The following SETD3 variants were observed in gnomAD, a reference collection of about 807,000 sequenced individuals.
The protein encoded by SETD3 is SET domain containing 3, actin N3(tau)-histidine methyltransferase.
Under a neutral mutation model 63.0 loss-of-function variants are expected in SETD3, and 19 were observed. The ratio of observed to expected loss-of-function variants is 0.30; its 90% CI spans 0.21 to 0.44. The LOEUF (loss-of-function observed/expected upper bound fraction) is 0.44. SETD3 is among the 20% of genes least tolerant of loss of function. The probability of loss-of-function intolerance (pLI) is 1.00; values close to 1 mark genes in which losing one functional copy is unlikely to be tolerated. For missense variants in SETD3, 587 were observed against 728.5 expected, an observed-to-expected ratio of 0.81 and a Z score of 2.24; for synonymous variants, 286 against 264.1, an observed-to-expected ratio of 1.08 and a Z score of -0.80.
At position 99,399,086 on chromosome 14, in the gene SETD3, G is replaced by T. The variant is rs763948380; in HGVS notation, c.1378C>A (p.Arg460Ser). 6.2e-7 allele frequency: 1 copy of T among 1,613,942 alleles called. No individual in the cohort carries two copies. The highest frequency in any genetic ancestry group is 8.5e-7 in the Non-Finnish European group (1 of 1,179,978). ...CGCAATTTGATGGCCATTTTTGCAC[G>T]AACAGAAAGATCGTGGTTTTTCAAG... ...SVLKNHDLSVRAKMAIKLRLG... is the reference protein window; with the variant it reads ...SVLKNHDLSVSAKMAIKLRLG... The change falls in exon 13 of 13, where the codon CGT (arginine) becomes AGT (serine). Residue 460 changes from arginine (R) to serine (S), a missense_variant. Arg to Ser is a moderately radical substitution (Grantham distance 110, BLOSUM62 -1). Coordinates refer to ENST00000331768, the MANE Select transcript of SETD3 (RefSeq NM_032233.3).
At chr14:99,413,123 G>T in intron 7 of SETD3, 58 bp from the exon 8 acceptor site, 2 of 990,786 alleles carry the variant, frequency 2.0e-6, no homozygotes, top group Non-Finnish European at 1.6e-6. Flanking sequence ...ATTGCAGTAA[G>T]AAATAACATA....
At chr14:99,447,371 G>A (rs1894196562) in intron 6 of SETD3, among the ~76,000 whole-genome samples, 1 of 152,216 alleles carries the variant, frequency 6.6e-6, no homozygotes, top group Non-Finnish European at 1.5e-5. Context: ...AAGTCTCCAT[G>A]TGATCTATAA....
At chr14:99,468,566 T>C (rs528920699) in intron 1 of SETD3, among the ~76,000 whole-genome samples, 2 of 152,208 alleles carry the variant, frequency 1.3e-5, no homozygotes, top group East Asian at 3.9e-4. Flanking sequence ...AGCAAAAATA[T>C]GTAAAACACC....
At chr14:99,457,946 C>T (rs1019918048) in intron 6 of SETD3, among the ~76,000 whole-genome samples, 3 of 152,156 alleles carry the variant, frequency 2.0e-5, no homozygotes, top group Non-Finnish European at 2.9e-5. Context: ...AAAATTTATA[C>T]ACAGAGTAAC....
chr14:99,402,985 C>T (rs955809040), intron 11 of SETD3, among the ~76,000 whole-genome samples: 1 of 152,164 alleles, frequency 6.6e-6, no homozygotes, highest in Admixed American at 6.5e-5. Flanking sequence ...ACAGTTAACC[C>T]CTTAACTCGT....
At chr14:99,435,162 GTTTA>G (rs1267802059) in intron 6 of SETD3, among the ~76,000 whole-genome samples, 1 of 152,014 alleles carries the variant, frequency 6.6e-6, no homozygotes, top group African/African-American at 2.4e-5. Flanking sequence ...ATATTGTCAT[GTTTA>G]TTCATAGACT....
chr14:99,416,998 T>A (rs990005012), intron 6 of SETD3, among the ~76,000 whole-genome samples: 2 of 152,166 alleles, frequency 1.3e-5, no homozygotes, highest in Admixed American at 1.3e-4. Flanking sequence ...TATCTAAAAT[T>A]GTTTGTTCGG....
At chr14:99,472,830 C>T (rs916686738) in intron 1 of SETD3, among the ~76,000 whole-genome samples, 1 of 151,586 alleles carries the variant, frequency 6.6e-6, no homozygotes, top group African/African-American at 2.4e-5. Context: ...GAAAATAGGA[C>T]CAAAAAAATG....
At chr14:99,438,256 T>TC (rs1219232879) in intron 6 of SETD3, among the ~76,000 whole-genome samples, 1 of 152,212 alleles carries the variant, frequency 6.6e-6, no homozygotes, top group Non-Finnish European at 1.5e-5. Context: ...GGTGAGCACT[T>TC]CCATTAAAAC....
At chr14:99,411,543 T>C (rs143037834) in intron 8 of SETD3, 1 of 152,192 alleles carries the variant, frequency 6.6e-6, no homozygotes, top group Admixed American at 6.5e-5. Flanking sequence ...TTTTTGTTTG[T>C]TTAGAGTAAA....
intron 8 of SETD3, chr14:99,411,396 A>T (rs1003351037): frequency 6.6e-6 from 1 of 152,178 alleles, no homozygotes; most frequent in Non-Finnish European, 1.5e-5. Context: ...TGTGCAGATG[A>T]GTGTGTGAGG....
chr14:99,451,000 G>T (rs1226386782), intron 6 of SETD3, among the ~76,000 whole-genome samples: 3 of 152,174 alleles, frequency 2.0e-5, no homozygotes, highest in Non-Finnish European at 4.4e-5. Flanking sequence ...CAATTAAACA[G>T]TTCATTCACA....
At chr14:99,428,238 TGA>T (rs2139682972) in intron 6 of SETD3, among the ~76,000 whole-genome samples, 1 of 152,316 alleles carries the variant, frequency 6.6e-6, no homozygotes, top group South Asian at 2.1e-4. Flanking sequence ...TGCTGGCACT[TGA>T]GAGGTGTCAG....
intron 5 of SETD3, among the ~76,000 whole-genome samples, chr14:99,458,774 CAAA>C (rs5810953): frequency 1.3e-4 from 12 of 89,502 alleles, no homozygotes; most frequent in Non-Finnish European, 1.5e-4. Context: ...CCCATCACTA[CAAA>C]AAAAAAAAAA....
intron 6 of SETD3, among the ~76,000 whole-genome samples, chr14:99,416,350 C>T (rs1276411861): frequency 2.0e-5 from 3 of 152,168 alleles, no homozygotes; most frequent in African/African-American, 7.2e-5. Flanking sequence ...AATCTTTAAG[C>T]TCATACGTTA....
chr14:99,416,636 A>T (rs957196872), intron 6 of SETD3, among the ~76,000 whole-genome samples: 2 of 152,170 alleles, frequency 1.3e-5, no homozygotes, highest in African/African-American at 4.8e-5. Flanking sequence ...GACGACAGTG[A>T]GAGGGCCTCT....
chr14:99,418,246 G>A (rs1445214573), intron 6 of SETD3, among the ~76,000 whole-genome samples: 1 of 152,094 alleles, frequency 6.6e-6, no homozygotes, highest in East Asian at 1.9e-4. Context: ...GTTGCACCTA[G>A]CTTGTTCTGA....
At chr14:99,457,547 G>A (rs1210815764) in intron 6 of SETD3, among the ~76,000 whole-genome samples, 1 of 152,236 alleles carries the variant, frequency 6.6e-6, no homozygotes, top group Admixed American at 6.5e-5. Flanking sequence ...AAGCGAGCAA[G>A]TAGTTCACCT....
chr14:99,406,451 C>G, intron 9 of SETD3, 65 bp downstream of exon 9: 1 of 1,406,684 alleles, frequency 7.1e-7, no homozygotes, highest in Non-Finnish European at 1.0e-6. Context: ...TTAAGATTAC[C>G]AACACGGTGT....
Sources: gnomAD v4.1 joint callset for allele counts (sites outside exome capture counted in the v4.1 genomes callset) on GRCh38, gnomAD v4.1.1 for gene constraint, MANE v1.5 for transcripts, NCBI Gene and HGNC (gene_info 2026-07-23, HGNC 2026-07-21) for gene names.